The following DDX10 variants were observed in gnomAD, a reference collection of about 807,000 sequenced individuals.
DDX10 encodes probable ATP-dependent RNA helicase DDX10.
DDX10 carries 74 observed loss-of-function variants against 104.3 expected under a neutral mutation model. The ratio of observed to expected loss-of-function variants is 0.71; its 90% CI spans 0.59 to 0.86. The LOEUF is 0.86. Ranked by LOEUF, DDX10 falls within the 40% of genes least tolerant of loss-of-function variation. The pLI is 0.00. For synonymous variants in DDX10, 351 were observed against 353.4 expected, an observed-to-expected ratio of 0.99 and a Z score of 0.08; for missense variants, 952 against 1,040.0, an observed-to-expected ratio of 0.92 and a Z score of 1.16.
intron 13 of DDX10, among the ~76,000 whole-genome samples, chr11:108,791,938 T>C (rs1861876857): frequency 6.6e-6 from 1 of 152,214 alleles, no homozygotes; most frequent in Non-Finnish European, 1.5e-5. Flanking sequence ...TTCTTCATCA[T>C]TGCAAGCTCT....
intron 13 of DDX10, among the ~76,000 whole-genome samples, chr11:108,725,832 T>TC (rs1303492200): frequency 1.3e-5 from 2 of 152,042 alleles, no homozygotes; most frequent in African/African-American, 4.8e-5. Context: ...TATATATGTG[T>TC]CGTATCTGAT....
At chr11:108,922,708 G>C (rs1863851172) in intron 17 of DDX10, among the ~76,000 whole-genome samples, 2 of 152,204 alleles carry the variant, frequency 1.3e-5, no homozygotes, top group Admixed American at 6.5e-5. Flanking sequence ...ATTTCAAAAG[G>C]GTTCTGATGT....
At chr11:108,786,315 A>G (rs1861789825) in intron 13 of DDX10, among the ~76,000 whole-genome samples, 2 of 151,806 alleles carry the variant, frequency 1.3e-5, no homozygotes, top group African/African-American at 4.8e-5. Context: ...CCTGAGAACA[A>G]TGTATATTCT....
At position 108,723,480 on chromosome 11, in the gene DDX10, G is replaced by T. The variant is rs761927640; in HGVS notation, c.1965+18G>T. On this transcript the variant is annotated intron_variant, in intron 13 of 17. Coordinates refer to ENST00000322536, the MANE Select transcript of DDX10 (RefSeq NM_004398.4). ...CATTACAGGTAAGTTTACTCCCAGT[G>T]GAGGGTCTTCTATTACATTGTCTTA... is the stretch of plus-strand genomic sequence containing the variant. 2.5e-6 allele frequency: 4 copies of T among 1,596,214 alleles called. No individual in the cohort carries two copies. The highest frequency in any genetic ancestry group is 3.4e-6 in the Non-Finnish European group (4 of 1,172,348).
chr11:108,677,363 T>A (rs2094227068), intron 4 of DDX10, 120 bp downstream of exon 4: 5 of 869,764 alleles, frequency 5.7e-6, no homozygotes, highest in Non-Finnish European at 8.6e-6. Flanking sequence ...CAGGGCCTCA[T>A]GGGATAGTAG....
intron 13 of DDX10, among the ~76,000 whole-genome samples, chr11:108,801,537 G>C (rs1337612383): frequency 6.6e-6 from 1 of 152,142 alleles, no homozygotes. Flanking sequence ...GCTATATCCT[G>C]ATCATAAGCA....
At chr11:108,901,917 T>C (rs991571432) in intron 16 of DDX10, among the ~76,000 whole-genome samples, 2 of 152,212 alleles carry the variant, frequency 1.3e-5, no homozygotes, top group African/African-American at 4.8e-5. Flanking sequence ...AGCAAAACTG[T>C]CTGTGGGCAT....
At chr11:108,742,293 C>T (rs1183596324) in intron 13 of DDX10, among the ~76,000 whole-genome samples, 1 of 144,814 alleles carries the variant, frequency 6.9e-6, no homozygotes, top group Non-Finnish European at 1.5e-5. Context: ...AAACCCTGGG[C>T]ATGGTGGCTC....
intron 16 of DDX10, among the ~76,000 whole-genome samples, chr11:108,880,871 G>T (rs1332681130): frequency 2.0e-5 from 3 of 152,122 alleles, no homozygotes; most frequent in Non-Finnish European, 4.4e-5. Context: ...GTGCTATTTT[G>T]AAGTCTTGCT....
chr11:108,707,090 C>A (rs554918232), intron 10 of DDX10, among the ~76,000 whole-genome samples: 1 of 152,242 alleles, frequency 6.6e-6, no homozygotes, highest in East Asian at 1.9e-4. Context: ...AATACATCTG[C>A]TACAATTGAT....
chr11:108,702,080 C>G (rs186493255), intron 9 of DDX10, among the ~76,000 whole-genome samples: 4 of 148,658 alleles, frequency 2.7e-5, no homozygotes, highest in African/African-American at 9.7e-5. Context: ...GACACATGCC[C>G]TCAAATTTAA....
chr11:108,928,920 G>A (rs956068520), intron 17 of DDX10, among the ~76,000 whole-genome samples: 39 of 152,136 alleles, frequency 2.6e-4, no homozygotes, highest in African/African-American at 9.4e-4. Flanking sequence ...AAGTCCCCAG[G>A]TAGCACTAGG....
At chr11:108,837,959 G>A (rs1862580064) in intron 13 of DDX10, among the ~76,000 whole-genome samples, 1 of 152,032 alleles carries the variant, frequency 6.6e-6, no homozygotes, top group African/African-American at 2.4e-5. Context: ...ATTTTACTGT[G>A]TTCCTATGGT....
chr11:108,916,577 G>A (rs1591124559), intron 16 of DDX10, among the ~76,000 whole-genome samples: 1 of 152,134 alleles, frequency 6.6e-6, no homozygotes, highest in Admixed American at 6.5e-5. Flanking sequence ...CAATTTCTGG[G>A]AACGAGCATT....
At chr11:108,721,593 A>C (rs1308065079) in intron 12 of DDX10, among the ~76,000 whole-genome samples, 1 of 152,198 alleles carries the variant, frequency 6.6e-6, no homozygotes, top group Non-Finnish European at 1.5e-5. Context: ...AGAAGGCAGA[A>C]AATTAACGTT....
intron 8 of DDX10, among the ~76,000 whole-genome samples, chr11:108,693,211 G>T (rs113883962): frequency 6.4e-4 from 98 of 152,272 alleles, no homozygotes; most frequent in Non-Finnish European, 9.6e-4. Flanking sequence ...TAGAAGTGGT[G>T]CTTTCGGGTT....
intron 16 of DDX10, among the ~76,000 whole-genome samples, chr11:108,888,508 A>G (rs933782300): frequency 1.3e-5 from 2 of 152,188 alleles, no homozygotes; most frequent in African/African-American, 2.4e-5. Flanking sequence ...ATAGTCAGAT[A>G]TAGTTGTTAA....
In DDX10 at chr11:108,887,962, C is replaced by CCT. The variant is rs1039582665; in HGVS notation, c.2305-29910_2305-29909insTC. On this transcript the variant is annotated intron_variant, in intron 16 of 17. Coordinates refer to ENST00000322536, the MANE Select transcript of DDX10 (RefSeq NM_004398.4). Reference sequence around the variant, plus strand: ...AAGAAAAGAAATACAGCTTTTTTCCCCCCCACTTTCTAGTTACTAAATTGC... The same window carrying CCT: ...AAGAAAAGAAATACAGCTTTTTTCCCCTCCCCACTTTCTAGTTACTAAATTGC... Among the ~76,000 whole-genome samples the CCT allele has an allele frequency of 1.8e-3, 266 of 150,750 alleles. 2 individuals are homozygous for CCT. The highest frequency in any genetic ancestry group is 1.9e-3 in the Non-Finnish European group (131 of 67,560).
chr11:108,886,752 A>G (rs760039146), intron 16 of DDX10, among the ~76,000 whole-genome samples: 2 of 152,212 alleles, frequency 1.3e-5, no homozygotes, highest in African/African-American at 2.4e-5. Context: ...TTAACCACCA[A>G]GTTAAGTTTG....
Sources: allele counts gnomAD v4.1 joint callset (sites outside exome capture counted in the v4.1 genomes callset), GRCh38; gene constraint gnomAD v4.1.1; transcripts MANE v1.5; gene names NCBI Gene and HGNC (gene_info 2026-07-23, HGNC 2026-07-21).